SLC35D2: variants seen among roughly 807,000 people sequenced by gnomAD.
SLC35D2 encodes nucleotide sugar transporter SLC35D2.
A neutral mutation model predicts 41.8 loss-of-function variants in SLC35D2; 43 were observed. The ratio of observed to expected loss-of-function variants is 1.03; its 90% CI spans 0.81 to 1.33. The LOEUF (loss-of-function observed/expected upper bound fraction) is 1.33. Ranked by LOEUF, SLC35D2 falls within the 40% of genes most tolerant of loss-of-function variation. The pLI is 0.00. For missense variants in SLC35D2, 380 were observed against 408.4 expected (o/e 0.93, Z 0.60); for synonymous variants, 150 against 163.9 (o/e 0.92, Z 0.65).
chr9:96,364,715 T>G (rs1468093194), intron 2 of SLC35D2, among the ~76,000 whole-genome samples, 165 bp from the exon 3 acceptor site: 1 of 152,098 alleles, frequency 6.6e-6, no homozygotes, highest in African/African-American at 2.4e-5. Flanking sequence ...ATTAACATTG[T>G]TTTCCTTGCC....
chr9:96,325,935 A>AG (rs1377057981), intron 9 of SLC35D2, among the ~76,000 whole-genome samples: 2 of 152,188 alleles, frequency 1.3e-5, no homozygotes, highest in African/African-American at 2.4e-5. Context: ...GAGGTGGTAG[A>AG]GGGAAAAAAA....
chr9:96,337,858 T>C (rs1333528768), intron 8 of SLC35D2, among the ~76,000 whole-genome samples: 4 of 151,552 alleles, frequency 2.6e-5, no homozygotes, highest in African/African-American at 9.7e-5. Context: ...GGCAGGTGCC[T>C]GTAATCCCAG....
rs1829832189 is a variant in SLC35D2, at chr9:96,352,008, AC to A, written c.419+29del. On this transcript the variant is annotated intron_variant, in intron 5 of 11. Transcript: ENST00000253270. The stretch of plus-strand genomic sequence containing the variant: ...AAGAAATGCAGTGGGTGGGAGGCAC[AC>A]TGGAAGAATGGAGGAAAAACAAAAT... 2.0e-6 allele frequency: 3 copies of A among 1,486,770 alleles called. No homozygotes were observed. In the South Asian group the frequency reaches 3.4e-5, roughly 17 times the overall value. 92.1% of individuals were successfully genotyped at this position (1,486,770 alleles called of 1,614,324 possible).
chr9:96,356,478 A>C (rs1830031605), intron 4 of SLC35D2, among the ~76,000 whole-genome samples: 1 of 151,902 alleles, frequency 6.6e-6, no homozygotes, highest in South Asian at 2.1e-4. Context: ...TATCTTGAAA[A>C]AGAAGAACAA....
chr9:96,322,150 C>T (rs990586131), intron 10 of SLC35D2, 70 bp from the exon 11 acceptor site: 2 of 961,464 alleles, frequency 2.1e-6, no homozygotes, highest in Admixed American at 2.0e-5. Context: ...AATAGTAAAA[C>T]CTGAAACTAG....
intron 1 of SLC35D2, among the ~76,000 whole-genome samples, chr9:96,370,792 G>A (rs540613704): frequency 6.6e-6 from 1 of 152,228 alleles, no homozygotes; most frequent in African/African-American, 2.4e-5. Context: ...ATTGCTTCAG[G>A]CCATAGAACA....
chr9:96,316,164 A>G (rs1015517135), downstream of SLC35D2, among the ~76,000 whole-genome samples: 9 of 152,152 alleles, frequency 5.9e-5, no homozygotes, highest in Non-Finnish European at 1.5e-5. Context: ...CCAGCTCACT[A>G]AATCTTGTCC....
intron 1 of SLC35D2, among the ~76,000 whole-genome samples, chr9:96,377,132 G>A (rs1830995717): frequency 1.3e-5 from 2 of 151,730 alleles, no homozygotes. Flanking sequence ...GACTGAGGAG[G>A]AGGCCTGGGG....
chr9:96,330,590 A>G (rs1020418029), intron 9 of SLC35D2, among the ~76,000 whole-genome samples: 37 of 152,178 alleles, frequency 2.4e-4, no homozygotes, highest in Non-Finnish European at 7.3e-5. Context: ...GGATTTCAAC[A>G]TTTGAGATTC....
At chr9:96,351,605 T>C (rs965611027) in intron 5 of SLC35D2, among the ~76,000 whole-genome samples, 11 of 152,300 alleles carry the variant, frequency 7.2e-5, no homozygotes, top group Admixed American at 5.2e-4. Flanking sequence ...AATATCCTTA[T>C]GAAAAATTTT....
At chr9:96,325,398 T>C (rs1427512194) in intron 9 of SLC35D2, among the ~76,000 whole-genome samples, 1 of 152,062 alleles carries the variant, frequency 6.6e-6, no homozygotes, top group East Asian at 1.9e-4. Context: ...AAATCCCAGG[T>C]CAGGTTCGGC....
chr9:96,362,359 T>C (rs1479691346), intron 3 of SLC35D2, among the ~76,000 whole-genome samples: 1 of 152,012 alleles, frequency 6.6e-6, no homozygotes, highest in Admixed American at 6.6e-5. Context: ...AATAAAAAAT[T>C]GGCCGGGCAT....
chr9:96,364,588 C>G, intron 2 of SLC35D2, 38 bp from the exon 3 acceptor site: 1 of 1,189,274 alleles, frequency 8.4e-7, no homozygotes, highest in Non-Finnish European at 1.3e-6. Context: ...AGCAAAATAT[C>G]TGCAAAGATT....
intron 1 of SLC35D2, among the ~76,000 whole-genome samples, chr9:96,379,157 A>C (rs1831085384): frequency 1.3e-5 from 2 of 150,416 alleles, no homozygotes; most frequent in South Asian, 4.2e-4. Flanking sequence ...AAATGCAAAA[A>C]TTAGCCGGGT....
At chr9:96,322,720 T>TG (rs562162107) in intron 10 of SLC35D2, among the ~76,000 whole-genome samples, 16 of 140,806 alleles carry the variant, frequency 1.1e-4, no homozygotes, top group Admixed American at 6.9e-5. Context: ...TTCTGGGGTT[T>TG]TTTTTTTTTT....
intron 1 of SLC35D2, among the ~76,000 whole-genome samples, chr9:96,378,815 G>C (rs1376276022): frequency 4.6e-5 from 7 of 152,128 alleles, no homozygotes; most frequent in African/African-American, 1.7e-4. Context: ...TGTAGTCTCA[G>C]CTACTCAGGA....
chr9:96,360,362 G>A (rs1020457473), intron 3 of SLC35D2, 141 bp from the exon 4 acceptor site: 15 of 679,800 alleles, frequency 2.2e-5, no homozygotes, highest in Non-Finnish European at 3.5e-5. Context: ...GGGGCGCAGT[G>A]GCTCACGCCT....
intron 2 of SLC35D2, among the ~76,000 whole-genome samples, chr9:96,365,040 CAAAAA>C (rs59249417): frequency 2.0e-5 from 1 of 49,386 alleles, no homozygotes; most frequent in Non-Finnish European, 4.1e-5. Flanking sequence ...ACCACTGTCT[CAAAAA>C]AAAAAAAAAA....
chr9:96,374,321 G>A (rs1305294998), intron 1 of SLC35D2, among the ~76,000 whole-genome samples: 1 of 151,794 alleles, frequency 6.6e-6, no homozygotes, highest in Admixed American at 6.6e-5. Flanking sequence ...GAATCACGAG[G>A]TCAAGAGATA....
Sources: allele counts gnomAD v4.1 joint callset (sites outside exome capture counted in the v4.1 genomes callset), GRCh38; gene constraint gnomAD v4.1.1; transcripts MANE v1.5; gene names NCBI Gene and HGNC (gene_info 2026-07-23, HGNC 2026-07-21).